Variants in RYR2 observed in about 807,000 individuals in gnomAD.
The protein encoded by RYR2 is cardiac muscle ryanodine receptor-calcium release channel.
In RYR2, 227 loss-of-function variants were observed where a neutral mutation model predicts 601.1. That is an observed-to-expected ratio of 0.38 (90% confidence interval 0.34 to 0.42). The LOEUF is 0.42. Among genes scored for constraint, RYR2 ranks in the 10% least tolerant of loss-of-function variants. The pLI is 1.00. For missense variants in RYR2, 4,646 were observed against 6,156.5 expected (o/e 0.75, Z 8.21); for synonymous variants, 2,223 against 2,175.1 (o/e 1.02, Z -0.61).
intron 1 of RYR2, among the ~76,000 whole-genome samples, chr1:237,087,148 CA>C (rs1366197977): frequency 2.0e-5 from 3 of 152,182 alleles, no homozygotes; most frequent in Admixed American, 6.5e-5. Context: ...GGAAAACTTC[CA>C]AATTGCTGAA....
chr1:237,049,064 A>AG (rs1027878210), intron 1 of RYR2, among the ~76,000 whole-genome samples: 8 of 152,142 alleles, frequency 5.3e-5, no homozygotes. Context: ...GAGAGAGGCC[A>AG]GGTGATGATT....
In RYR2 at chr1:237,042,484, G is replaced by A. The variant is rs1366421971; in HGVS notation, c.-38G>A. The A allele has an allele frequency of 8.0e-7, 1 of 1,244,282 alleles. No individual in the cohort carries two copies. Among genetic ancestry groups the A allele is most frequent in the Non-Finnish European group, 1.0e-6 (1 of 985,864 alleles). 77.1% of individuals were successfully genotyped at this position (1,244,282 alleles called of 1,614,324 possible). ...GCCGCCGCCGCCGCCGAGCTCCGCG[G>A]GGCTCGGGAGCCGGCCCCGGCGAGG... On this transcript the variant is annotated 5_prime_UTR_variant, in exon 1 of 105. Transcript: ENST00000366574.
At chr1:237,149,324 C>CA (rs1305270291) in intron 1 of RYR2, among the ~76,000 whole-genome samples, 4 of 150,954 alleles carry the variant, frequency 2.6e-5, no homozygotes, top group African/African-American at 9.7e-5. Flanking sequence ...AAAACAAAAA[C>CA]AAAAAACCAA....
intron 1 of RYR2, among the ~76,000 whole-genome samples, chr1:237,162,694 G>A (rs1331495575): frequency 1.3e-5 from 2 of 152,098 alleles, no homozygotes; most frequent in African/African-American, 4.8e-5. Context: ...TTTTGAGCTG[G>A]TTATTTTGAG....
chr1:237,576,382 T>G (rs1258199939), intron 29 of RYR2, among the ~76,000 whole-genome samples: 1 of 151,814 alleles, frequency 6.6e-6, no homozygotes, highest in Non-Finnish European at 1.5e-5. Flanking sequence ...TAAAATAGAG[T>G]GGTATTGTTG....
At chr1:237,446,645 C>T (rs1708365245) in intron 14 of RYR2, among the ~76,000 whole-genome samples, 2 of 152,050 alleles carry the variant, frequency 1.3e-5, no homozygotes, top group Non-Finnish European at 2.9e-5. Context: ...AAACCATACA[C>T]ACTGTGTGTA....
At chr1:237,650,145 A>G (rs1682581864) in intron 50 of RYR2, 48 bp downstream of exon 50, 1 of 1,509,968 alleles carries the variant, frequency 6.6e-7, no homozygotes, top group South Asian at 1.2e-5. Context: ...AAAAAACAGA[A>G]TTTACAATGT....
intron 1 of RYR2, among the ~76,000 whole-genome samples, chr1:237,156,457 C>T (rs567061126): frequency 3.9e-4 from 60 of 152,208 alleles, no homozygotes; most frequent in African/African-American, 1.2e-3. Context: ...TAAAGGAACC[C>T]GCTTAATTTT....
At chr1:237,552,441 G>C (rs1388074512) in intron 27 of RYR2, among the ~76,000 whole-genome samples, 3 of 152,010 alleles carry the variant, frequency 2.0e-5, no homozygotes, top group African/African-American at 7.2e-5. Context: ...CATCTGAAGT[G>C]TTCAGTCTGG....
At chr1:237,732,412 A>G (rs181940583) in intron 78 of RYR2, among the ~76,000 whole-genome samples, 8 of 152,264 alleles carry the variant, frequency 5.3e-5, no homozygotes, top group Admixed American at 1.3e-4. Context: ...TTCTTATGAA[A>G]TGGTTTTTCT....
chr1:237,732,102 A>G lies in RYR2; in HGVS notation c.10992A>G (p.Leu3664=), dbSNP rs2149168131. The G allele has an allele frequency of 1.9e-6, 3 of 1,612,228 alleles. No homozygotes were observed. The highest frequency in any genetic ancestry group is 2.5e-6 in the Non-Finnish European group (3 of 1,178,628). The change falls in exon 78 of 105, where the codon CTA becomes CTG. Residue 3664 remains leucine (L), a synonymous_variant. Coordinates refer to ENST00000366574, the MANE Select transcript of RYR2 (RefSeq NM_001035.3). Reference sequence around the variant, plus strand: ...AAGGCACTAAGAGAGTTGATCCTCTACATCAGCTGATCCTTCTGTTTAGTC... The same window carrying G: ...AAGGCACTAAGAGAGTTGATCCTCTGCATCAGCTGATCCTTCTGTTTAGTC... The part of the protein sequence containing the change: ...EDEGTKRVDP[L]HQLILLFSRT...
In RYR2 at chr1:237,601,945, C is replaced by A. The variant is rs1676547261; in HGVS notation, c.4597-80C>A. ...CTCTGGGCTCCTTCTGTAAAGTATT[C>A]CTTTGTTGTTATAAAGAAAAACTTT... On this transcript the variant is annotated intron_variant, in intron 34 of 104. Coordinates refer to ENST00000366574, the MANE Select transcript of RYR2 (RefSeq NM_001035.3). The A allele has an allele frequency of 2.6e-6, 3 of 1,152,606 alleles. No homozygotes were observed. In the African/African-American group the frequency reaches 4.6e-5, roughly 18 times the overall value. The allele number at this position is 1,152,606 out of a possible 1,614,324, so 71.4% of individuals were successfully genotyped here. A position where few individuals can be genotyped will look rare whatever the true frequency, so the allele number is the denominator to read the frequency against.
At chr1:237,713,014 C>T (rs1688969487) in intron 71 of RYR2, among the ~76,000 whole-genome samples, 1 of 152,186 alleles carries the variant, frequency 6.6e-6, no homozygotes, top group South Asian at 2.1e-4. Flanking sequence ...ACCGGATCCT[C>T]AGGCCTGCTC....
chr1:237,080,834 T>C (rs1275722933), intron 1 of RYR2, among the ~76,000 whole-genome samples: 1 of 99,188 alleles, frequency 1.0e-5, no homozygotes, highest in Non-Finnish European at 2.1e-5. Context: ...TGCACACGTA[T>C]GTTTATTGCG....
At chr1:237,192,039 A>G (rs1448811638) in intron 1 of RYR2, among the ~76,000 whole-genome samples, 1 of 152,018 alleles carries the variant, frequency 6.6e-6, no homozygotes, top group African/African-American at 2.4e-5. Flanking sequence ...GCAGAACAGG[A>G]GTTTTTGGAA....
intron 25 of RYR2, among the ~76,000 whole-genome samples, chr1:237,530,990 A>C (rs1481101956): frequency 6.6e-6 from 1 of 152,186 alleles, no homozygotes; most frequent in Non-Finnish European, 1.5e-5. Context: ...GTGAAACAAT[A>C]GTTTCTATCA....
chr1:237,383,808 T>C (rs1387217712), intron 8 of RYR2, among the ~76,000 whole-genome samples: 2 of 152,104 alleles, frequency 1.3e-5, no homozygotes, highest in East Asian at 1.9e-4. Context: ...AGTCCTGGGA[T>C]CAAAGTGAGA....
intron 3 of RYR2, among the ~76,000 whole-genome samples, chr1:237,337,602 T>A (rs1046939806): frequency 6.6e-6 from 1 of 152,190 alleles, no homozygotes. Context: ...CTCCCTTTGT[T>A]GTGGGAATCA....
At chr1:237,521,359 C>G (rs776271230) in intron 24 of RYR2, among the ~76,000 whole-genome samples, 1 of 152,156 alleles carries the variant, frequency 6.6e-6, no homozygotes, top group Non-Finnish European at 1.5e-5. Context: ...TACTTTGTAG[C>G]CAGTGTGTTC....
Sources: allele counts gnomAD v4.1 joint callset (sites outside exome capture counted in the v4.1 genomes callset), GRCh38; gene constraint gnomAD v4.1.1; transcripts MANE v1.5; gene names NCBI Gene and HGNC (gene_info 2026-07-23, HGNC 2026-07-21).